The following YTHDF1 variants were observed in gnomAD, a reference collection of about 807,000 sequenced individuals.
The protein encoded by YTHDF1 is YTH N6-methyladenosine RNA binding protein F1.
YTHDF1 carries 16 observed loss-of-function variants against 49.1 expected under a neutral mutation model. That is an observed-to-expected ratio of 0.33 (90% CI 0.22 to 0.49). YTHDF1 has a LOEUF of 0.49. Among genes scored for constraint, YTHDF1 ranks in the 20% least tolerant of loss-of-function variants. The pLI is 0.99. For missense variants in YTHDF1, 621 were observed against 744.3 expected, an observed-to-expected ratio of 0.83 and a Z score of 1.93; for synonymous variants, 313 against 290.1, an observed-to-expected ratio of 1.08 and a Z score of -0.80.
intron 3 of YTHDF1, among the ~76,000 whole-genome samples, chr20:63,212,884 C>A (rs2066582140): frequency 2.0e-5 from 3 of 152,114 alleles, no homozygotes. Flanking sequence ...AGGACAGCCC[C>A]CAAAACAGAA....
At chr20:63,211,465 A>C (rs1352887167) in intron 3 of YTHDF1, among the ~76,000 whole-genome samples, 1 of 152,188 alleles carries the variant, frequency 6.6e-6, no homozygotes, top group Non-Finnish European at 1.5e-5. Context: ...CCCTGTCTCC[A>C]ACAAAAAAGG....
rs370974454 is a variant in YTHDF1, at chr20:63,203,822, G to A, written c.133-15C>T. On this transcript the variant is annotated splice_polypyrimidine_tract_variant and intron_variant, in intron 3 of 4. Coordinates refer to ENST00000370339, the MANE Select transcript of YTHDF1 (RefSeq NM_017798.4). The surrounding 1 kb of genome is among the most constrained non-coding windows in gnomAD (Gnocchi z 4.4). Reference sequence around the variant, plus strand: ...TAACTGTTACTCTGCAAAAGCAAACGTGACAAGTTACACCACTTCTACAAC... The same window carrying A: ...TAACTGTTACTCTGCAAAAGCAAACATGACAAGTTACACCACTTCTACAAC... 50 of 1,582,740 alleles carry A rather than the reference G, an allele frequency of 3.2e-5. No individual in the cohort carries two copies. The highest frequency in any genetic ancestry group is 2.7e-5 in the Non-Finnish European group (31 of 1,158,334).
chr20:63,198,309 G>T (rs1207248859), intron 4 of YTHDF1, among the ~76,000 whole-genome samples: 2 of 151,920 alleles, frequency 1.3e-5, no homozygotes, highest in Non-Finnish European at 2.9e-5. Context: ...GCAGGGCATG[G>T]TGACCGGCGC....
At chr20:63,211,495 C>T (rs4809504) in intron 3 of YTHDF1, among the ~76,000 whole-genome samples, 49,360 of 151,890 alleles carry the variant, frequency 0.32, 8,189 homozygotes, top group East Asian at 0.51. Flanking sequence ...TATTGATATG[C>T]CCACTATCTT....
At chr20:63,209,787 T>C (rs970305594) in intron 3 of YTHDF1, among the ~76,000 whole-genome samples, 1 of 152,174 alleles carries the variant, frequency 6.6e-6, no homozygotes, top group Non-Finnish European at 1.5e-5. Context: ...ACACAGGGTC[T>C]GGATCTTCCA....
In YTHDF1 at chr20:63,203,010, T is replaced by C; in HGVS notation, c.930A>G (p.Pro310=). ...TCTGATACTGCGGTTGAGCCAAAGC[T>C]GGGGGCTGTGCTGGGAGAGGCTGAG... is the stretch of plus-strand genomic sequence containing the variant. ...QVAQPLPAQP[P]ALAQPQYQSP... is the part of the protein sequence containing the mutation. Residue 310 remains proline (P), a synonymous_variant, in exon 4 of 5, where the codon CCA becomes CCG. Transcript: ENST00000370339. The surrounding 1 kb of genome is among the most constrained non-coding windows in gnomAD (Gnocchi z 4.4). 6.2e-7 allele frequency: 1 copy of C among 1,611,792 alleles called. No homozygotes were observed. The highest frequency in any genetic ancestry group is 8.5e-7 in the Non-Finnish European group (1 of 1,179,138).
In YTHDF1 at chr20:63,202,893, G is replaced by A; in HGVS notation, c.1047C>T (p.Asn349=). Reference sequence around the variant, plus strand: ...AATTAGGCTGGACGTTTCCAGGAGAGTTGCTATCGCTGCCAGCCCCTCCGC... The same window carrying A: ...AATTAGGCTGGACGTTTCCAGGAGAATTGCTATCGCTGCCAGCCCCTCCGC... The part of the protein sequence containing the change: ...GQSGGAGSDS[N]SPGNVQPNSA... The change falls in exon 4 of 5, where the codon AAC becomes AAT. Residue 349 remains asparagine, a synonymous_variant. Coordinates refer to ENST00000370339, the MANE Select transcript of YTHDF1 (RefSeq NM_017798.4). The A allele has an allele frequency of 6.2e-7, 1 of 1,613,962 alleles. No individual in the cohort carries two copies. Among genetic ancestry groups the A allele is most frequent in the Non-Finnish European group, 8.5e-7 (1 of 1,180,046 alleles).
intron 3 of YTHDF1, among the ~76,000 whole-genome samples, chr20:63,207,553 G>A (rs1313386726): frequency 2.0e-5 from 3 of 148,004 alleles, no homozygotes; most frequent in Admixed American, 7.0e-5. Context: ...TTTGGTCCTC[G>A]TAAATGAGTG....
intron 4 of YTHDF1, among the ~76,000 whole-genome samples, chr20:63,200,539 T>C (rs1187463539): frequency 6.6e-6 from 1 of 152,194 alleles, no homozygotes; most frequent in Non-Finnish European, 1.5e-5. Flanking sequence ...AGCGGCTCTG[T>C]TGGACTCGCC....
chr20:63,214,532 A>C (rs533496667), intron 2 of YTHDF1, among the ~76,000 whole-genome samples: 1 of 152,210 alleles, frequency 6.6e-6, no homozygotes, highest in Non-Finnish European at 1.5e-5. Flanking sequence ...GGGACAGCTT[A>C]GTTTTATACA....
intron 3 of YTHDF1, among the ~76,000 whole-genome samples, chr20:63,213,408 G>C (rs1425687552): frequency 6.6e-6 from 1 of 152,184 alleles, no homozygotes; most frequent in Non-Finnish European, 1.5e-5. Context: ...CTCCAGCCTG[G>C]GTGGCAAGAG....
intron 3 of YTHDF1, among the ~76,000 whole-genome samples, chr20:63,212,047 G>A (rs1266761241): frequency 1.3e-5 from 2 of 150,896 alleles, no homozygotes; most frequent in South Asian, 4.2e-4. Context: ...CCCCTTTATT[G>A]GCTAAAATTC....
Position 63,203,286 on chromosome 20 carries a change from G to A in YTHDF1, c.654C>T (p.Gly218=). The part of the protein sequence containing the change: ...SSVALTGVLS[G]NGGTNVNMPV... ...GCATGTTCACATTTGTCCCACCGTTGCCAGAAAGGACACCAGTCAGTGCCA... is the reference window on the plus strand; with the variant it reads ...GCATGTTCACATTTGTCCCACCGTTACCAGAAAGGACACCAGTCAGTGCCA... The change falls in exon 4 of 5, where the codon GGC becomes GGT. Residue 218 remains glycine (G), a synonymous_variant. Coordinates refer to ENST00000370339, the MANE Select transcript of YTHDF1 (RefSeq NM_017798.4). The surrounding 1 kb of genome is among the most constrained non-coding windows in gnomAD (Gnocchi z 4.4). 6.2e-7 allele frequency: 1 copy of A among 1,613,772 alleles called. No individual in the cohort carries two copies. The highest frequency in any genetic ancestry group is 1.1e-5 in the South Asian group (1 of 91,078).
intron 4 of YTHDF1, among the ~76,000 whole-genome samples, chr20:63,199,484 A>T (rs2066507872): frequency 6.7e-6 from 1 of 149,432 alleles, no homozygotes; most frequent in Non-Finnish European, 1.5e-5. Context: ...ACACCACTAC[A>T]CTCCAGACTG....
intron 3 of YTHDF1, among the ~76,000 whole-genome samples, chr20:63,208,978 A>G (rs956585087): frequency 6.6e-6 from 1 of 152,236 alleles, no homozygotes; most frequent in Non-Finnish European, 1.5e-5. Context: ...TCCTTACCAC[A>G]CACTGAGGCC....
chr20:63,204,011 G>A (rs571816541), intron 3 of YTHDF1, among the ~76,000 whole-genome samples: 2 of 152,276 alleles, frequency 1.3e-5, no homozygotes, highest in South Asian at 2.1e-4. Context: ...CCAGGGTGCC[G>A]TCTCAAAATA....
chr20:63,213,950 CA>C lies in YTHDF1; in HGVS notation c.53-8del, dbSNP rs2066588510. The C allele has an allele frequency of 1.3e-6, 2 of 1,567,964 alleles. No homozygotes were observed. Among genetic ancestry groups the C allele is most frequent in the Non-Finnish European group, 1.7e-6 (2 of 1,166,854 alleles). ...TGTAACGAACCATTTTGTACTAGAA[CA>C]AAAAGTTGCAAAATATTACCCTCAA... is the stretch of plus-strand genomic sequence containing the variant. On this transcript the variant is annotated splice_region_variant and splice_polypyrimidine_tract_variant and intron_variant, in intron 2 of 4. Coordinates refer to ENST00000370339, the MANE Select transcript of YTHDF1 (RefSeq NM_017798.4).
At chr20:63,210,184 T>C (rs1034195278) in intron 3 of YTHDF1, among the ~76,000 whole-genome samples, 1 of 152,152 alleles carries the variant, frequency 6.6e-6, no homozygotes. Context: ...CATAGTCTTA[T>C]GGGACCACTA....
Position 63,196,704 on chromosome 20 carries a change from G to A in YTHDF1, c.*4C>T, listed in dbSNP as rs780821500. 1.9e-5 allele frequency: 31 copies of A among 1,613,730 alleles called. No homozygotes were observed. The highest frequency in any genetic ancestry group is 2.2e-5 in the East Asian group (1 of 44,860). On this transcript the variant is annotated 3_prime_UTR_variant, in exon 5 of 5. Coordinates refer to ENST00000370339, the MANE Select transcript of YTHDF1 (RefSeq NM_017798.4). ...GTTAGAACATGTAAGAAACTGGTTCGCCCTCATTGTTTGTTTCGACTCTGC... is the reference window on the plus strand; with the variant it reads ...GTTAGAACATGTAAGAAACTGGTTCACCCTCATTGTTTGTTTCGACTCTGC...
Sources: gnomAD v4.1 joint callset for allele counts (sites outside exome capture counted in the v4.1 genomes callset) on GRCh38, gnomAD v4.1.1 for gene constraint, Gnocchi (gnomAD v3.1) non-coding constraint, MANE v1.5 for transcripts, NCBI Gene and HGNC (gene_info 2026-07-23, HGNC 2026-07-21) for gene names.